VIPR2: variants seen among roughly 807,000 people sequenced by gnomAD.
VIPR2 encodes the protein vasoactive intestinal peptide receptor 2.
Under a neutral mutation model 58.0 loss-of-function variants are expected in VIPR2, and 48 were observed. That is an observed-to-expected ratio of 0.83 (90% CI 0.66 to 1.05). VIPR2 has a LOEUF of 1.05. Among genes scored for constraint, VIPR2 ranks in the 50% least tolerant of loss-of-function variants. The probability of loss-of-function intolerance (pLI) is 0.00; values close to 1 mark genes in which losing one functional copy is unlikely to be tolerated. For synonymous variants in VIPR2, 243 were observed against 235.2 expected (o/e 1.03, Z -0.30); for missense variants, 534 against 558.0 (o/e 0.96, Z 0.43).
intron 3 of VIPR2, among the ~76,000 whole-genome samples, chr7:159,105,932 T>C (rs1267508197): frequency 6.6e-6 from 1 of 152,210 alleles, no homozygotes; most frequent in Non-Finnish European, 1.5e-5. Context: ...AATGCCGGGC[T>C]CTGTGCTTGC....
chr7:159,091,707 G>A (rs959859746), intron 4 of VIPR2, among the ~76,000 whole-genome samples: 7 of 152,174 alleles, frequency 4.6e-5, no homozygotes, highest in African/African-American at 1.7e-4. Flanking sequence ...AGCACTGGTC[G>A]GTGCCACAGG....
At chr7:159,059,285 T>G (rs1247602538) in intron 4 of VIPR2, 5 of 471,174 alleles carry the variant, frequency 1.1e-5, no homozygotes, top group Admixed American at 2.3e-5. Flanking sequence ...CAGCAACACC[T>G]GCAGGGCATC....
intron 6 of VIPR2, among the ~76,000 whole-genome samples, chr7:159,039,183 G>A (rs1419974904): frequency 1.3e-5 from 2 of 152,240 alleles, no homozygotes; most frequent in Non-Finnish European, 2.9e-5. Context: ...ATGCAGCCGG[G>A]TGCAGTGGCT....
chr7:159,065,505 G>A (rs990960230), intron 4 of VIPR2, among the ~76,000 whole-genome samples: 2 of 152,210 alleles, frequency 1.3e-5, no homozygotes, highest in Non-Finnish European at 2.9e-5. Flanking sequence ...ACCTCTGTAA[G>A]GATTCTCTGC....
intron 6 of VIPR2, among the ~76,000 whole-genome samples, chr7:159,041,821 G>A (rs1036916683): frequency 6.6e-6 from 1 of 152,072 alleles, no homozygotes; most frequent in Non-Finnish European, 1.5e-5. Context: ...TAAGGGCAGG[G>A]GATCTGCAGA....
chr7:159,034,706 A>G, intron 8 of VIPR2, 56 bp from the exon 9 acceptor site: 1 of 1,515,728 alleles, frequency 6.6e-7, no homozygotes, highest in Non-Finnish European at 9.2e-7. Context: ...CAAGACAGGT[A>G]CAGAAGAATG....
chr7:159,060,630 C>T (rs1855594366), intron 4 of VIPR2, among the ~76,000 whole-genome samples: 1 of 151,966 alleles, frequency 6.6e-6, no homozygotes, highest in South Asian at 2.1e-4. Context: ...ACTCCCTTCA[C>T]TTACCCACCA....
At position 159,030,342 on chromosome 7, in the gene VIPR2, CAAA is replaced by C. The variant is rs869158676; in HGVS notation, c.*271_*273del. On this transcript the variant is annotated 3_prime_UTR_variant, in exon 13 of 13. Transcript: ENST00000262178. ...TGGGCGACAGAGCGAGACTCCGTCT[CAAA>C]AAAAAAAAAAAAAAAAAAAGTGGAT... The C allele has an allele frequency of 0.06, 11,868 of 198,924 alleles. 5 individuals are homozygous for C. The highest frequency in any genetic ancestry group is 0.088 in the Middle Eastern group (67 of 764). 12.3% of individuals were successfully genotyped at this position (198,924 alleles called of 1,614,324 possible).
In VIPR2 at chr7:159,114,251, G is replaced by A. The variant is rs17837878; in HGVS notation, c.152-4332C>T. Among the ~76,000 whole-genome samples the A allele has an allele frequency of 3.0e-3, 455 of 152,232 alleles. 4 individuals carry two copies. The highest frequency in any genetic ancestry group is 0.011 in the African/African-American group (439 of 41,526). On this transcript the variant is annotated intron_variant, in intron 2 of 12. Transcript: ENST00000262178. Reference sequence around the variant, plus strand: ...AGGCAGCAAGTCCTTCTGTAGGAGTGTGCGCCGAGGCACAGGACGGCATGG... The same window carrying A: ...AGGCAGCAAGTCCTTCTGTAGGAGTATGCGCCGAGGCACAGGACGGCATGG...
At chr7:159,144,359 G>C in intron 1 of VIPR2, 1 of 1,540,320 alleles carries the variant, frequency 6.5e-7, no homozygotes, top group Non-Finnish European at 8.8e-7. Flanking sequence ...ATCTCCCCGT[G>C]AAACGCGCAG....
chr7:159,058,701 G>GAGAT (rs1167474137), intron 4 of VIPR2, 123 bp from the exon 5 acceptor site: 2 of 710,446 alleles, frequency 2.8e-6, no homozygotes, highest in Non-Finnish European at 4.7e-6. Context: ...TGGAAGGCAC[G>GAGAT]AGATAGTCTC....
chr7:159,096,290 G>C lies in VIPR2; in HGVS notation c.357+7467C>G, dbSNP rs1433485608. On this transcript the variant is annotated intron_variant, in intron 4 of 12. Transcript: ENST00000262178. The surrounding 1 kb of genome is among the most constrained non-coding windows in gnomAD (Gnocchi z 5.5). Reference sequence around the variant, plus strand: ...ATGCAGAGCCTGGTGTGCAGACCCTGCTGCCTTGGATGGTCCATCCTGGGT... The same window carrying C: ...ATGCAGAGCCTGGTGTGCAGACCCTCCTGCCTTGGATGGTCCATCCTGGGT... Among the ~76,000 whole-genome samples the C allele has an allele frequency of 6.6e-6, 1 of 152,164 alleles. No individual in the cohort carries two copies. Among genetic ancestry groups the C allele is most frequent in the Non-Finnish European group, 1.5e-5 (1 of 68,024 alleles).
chr7:159,065,483 G>A (rs1181999982), intron 4 of VIPR2, among the ~76,000 whole-genome samples: 1 of 152,210 alleles, frequency 6.6e-6, no homozygotes, highest in East Asian at 1.9e-4. Flanking sequence ...ACAGGGCTCC[G>A]TGACTGCCCA....
chr7:159,060,026 C>T lies in VIPR2; in HGVS notation c.358-1448G>A, dbSNP rs377176639. Among the ~76,000 whole-genome samples the T allele has an allele frequency of 1.9e-4, 29 of 150,736 alleles. No homozygotes were observed. The East Asian group carries it at 5.2e-3, about 27-fold the overall frequency. Reference sequence around the variant, plus strand: ...TAACCACCACTATCAACTCATCCAACCCATCCTCACTTCACTTACCCACCA... The same window carrying T: ...TAACCACCACTATCAACTCATCCAATCCATCCTCACTTCACTTACCCACCA... On this transcript the variant is annotated intron_variant, in intron 4 of 12. Coordinates refer to ENST00000262178, the MANE Select transcript of VIPR2 (RefSeq NM_003382.5).
rs1853389924 is a variant in VIPR2, at chr7:159,029,026, C to T, written c.*1590G>A. ...GGACACTGCTGCTTTGCTGTCCTAA[C>T]AGCCCCTCTGTCCGGCCTCATTTTA... On this transcript the variant is annotated 3_prime_UTR_variant, in exon 13 of 13. Coordinates refer to ENST00000262178, the MANE Select transcript of VIPR2 (RefSeq NM_003382.5). The T allele has an allele frequency of 6.6e-6, 1 of 152,328 alleles. No homozygotes were observed. The highest frequency in any genetic ancestry group is 2.4e-5 in the African/African-American group (1 of 41,460). The allele number at this position is 152,328 out of a possible 1,614,324, so 9.4% of individuals were successfully genotyped here.
At chr7:159,104,597 C>A (rs1858529686) in intron 3 of VIPR2, among the ~76,000 whole-genome samples, 1 of 147,908 alleles carries the variant, frequency 6.8e-6, no homozygotes, top group Non-Finnish European at 1.5e-5. Flanking sequence ...GACCGGGTAC[C>A]CCACCTGCTC....
intron 2 of VIPR2, 90 bp downstream of exon 2, chr7:159,142,356 G>C: frequency 1.3e-6 from 1 of 753,974 alleles, no homozygotes; most frequent in Non-Finnish European, 2.1e-6. Flanking sequence ...TTTTTAAGAT[G>C]CAGGTGGTGA....
At chr7:159,109,998 T>G (rs1795927793) in intron 2 of VIPR2, 79 bp from the exon 3 acceptor site, 7 of 1,365,392 alleles carry the variant, frequency 5.1e-6, no homozygotes, top group Non-Finnish European at 7.2e-6. Context: ...ATGAGATAAC[T>G]GCCTCGCAAA....
chr7:159,091,596 C>T (rs934609898), intron 4 of VIPR2, among the ~76,000 whole-genome samples: 8 of 152,246 alleles, frequency 5.3e-5, no homozygotes, highest in Non-Finnish European at 1.2e-4. Flanking sequence ...CCGCCCTGCA[C>T]GTCACTCCTC....
Sources: gnomAD v4.1 joint callset for allele counts (sites outside exome capture counted in the v4.1 genomes callset) on GRCh38, gnomAD v4.1.1 for gene constraint, Gnocchi (gnomAD v3.1) non-coding constraint, MANE v1.5 for transcripts, NCBI Gene and HGNC (gene_info 2026-07-23, HGNC 2026-07-21) for gene names.